Variants in PRKCE observed in about 807,000 individuals in gnomAD.
PRKCE encodes protein kinase C epsilon.
Under a neutral mutation model 85.4 loss-of-function variants are expected in PRKCE, and 16 were observed. The observed-to-expected ratio is 0.19, with a 90% confidence interval of 0.13 to 0.28. The LOEUF (loss-of-function observed/expected upper bound fraction) is 0.28. Ranked by LOEUF, PRKCE falls within the 10% of genes least tolerant of loss-of-function variation. PRKCE has a pLI of 1.00. For synonymous variants in PRKCE, 388 were observed against 371.5 expected, an observed-to-expected ratio of 1.04 and a Z score of -0.51; for missense variants, 573 against 975.2, an observed-to-expected ratio of 0.59 and a Z score of 5.49.
At chr2:45,891,665 G>A (rs192762482) in intron 2 of PRKCE, among the ~76,000 whole-genome samples, 9 of 152,254 alleles carry the variant, frequency 5.9e-5, no homozygotes, top group African/African-American at 2.2e-4. Context: ...TCATGCAATG[G>A]GGATCTTCCG....
intron 1 of PRKCE, among the ~76,000 whole-genome samples, chr2:45,792,943 C>G (rs1283632909): frequency 6.6e-6 from 1 of 152,094 alleles, no homozygotes; most frequent in Non-Finnish European, 1.5e-5. Flanking sequence ...GGATTACAGG[C>G]ACCCGCCACC....
At chr2:45,879,252 A>G (rs1378359017) in intron 2 of PRKCE, among the ~76,000 whole-genome samples, 1 of 152,206 alleles carries the variant, frequency 6.6e-6, no homozygotes, top group African/African-American at 2.4e-5. Flanking sequence ...TTCGAAGAAG[A>G]GTCCAGCCGA....
At chr2:46,157,236 C>T (rs1677305199) in intron 13 of PRKCE, among the ~76,000 whole-genome samples, 3 of 152,170 alleles carry the variant, frequency 2.0e-5, no homozygotes, top group Admixed American at 6.5e-5. Flanking sequence ...AAACCTCAGC[C>T]GCACCCGAGT....
Position 45,744,549 on chromosome 2 carries a change from T to TTC in PRKCE, c.348+92101_348+92102insTC, listed in dbSNP as rs1558624254. On this transcript the variant is annotated intron_variant, in intron 1 of 14. Transcript: ENST00000306156. The stretch of plus-strand genomic sequence containing the variant: ...CTTTTTCTTTCCTTCTTTCTTTCTT[T>TTC]CTTCCTTCCTTCCTTCCTTCCTTCC... Among the ~76,000 whole-genome samples the TTC allele has an allele frequency of 1.0e-3, 86 of 84,140 alleles. 8 individuals are homozygous for TTC. The highest frequency in any genetic ancestry group is 3.8e-3 in the African/African-American group (76 of 20,116). The allele number at this position is 84,140 out of a possible 152,430, so 55.2% of individuals were successfully genotyped here.
chr2:45,896,060 T>C (rs1696115435), intron 2 of PRKCE, among the ~76,000 whole-genome samples: 1 of 152,228 alleles, frequency 6.6e-6, no homozygotes, highest in Admixed American at 6.5e-5. Flanking sequence ...AACCTAGATG[T>C]TGCCCCTTTG....
intron 2 of PRKCE, among the ~76,000 whole-genome samples, chr2:45,883,098 G>A (rs1018044249): frequency 6.6e-6 from 1 of 152,226 alleles, no homozygotes. Flanking sequence ...AATTCACATT[G>A]TAGTACTTCT....
At chr2:45,689,208 C>T (rs75433437) in intron 1 of PRKCE, among the ~76,000 whole-genome samples, 2,525 of 152,302 alleles carry the variant, frequency 0.017, 30 homozygotes, top group Admixed American at 0.032. Context: ...ACAAAAAAGT[C>T]TAGATCACAG....
At chr2:45,845,328 C>T (rs1399280277) in intron 2 of PRKCE, 1 of 151,294 alleles carries the variant, frequency 6.6e-6, no homozygotes, top group African/African-American at 2.4e-5. Flanking sequence ...TGGGGTGAAG[C>T]AAGTTGTCAC....
chr2:45,875,369 T>G (rs938292035), intron 2 of PRKCE, among the ~76,000 whole-genome samples: 1 of 152,274 alleles, frequency 6.6e-6, no homozygotes, highest in African/African-American at 2.4e-5. Flanking sequence ...GCTAATGCAA[T>G]GTCCACAACC....
At chr2:46,173,688 A>C (rs1431488368) in intron 14 of PRKCE, among the ~76,000 whole-genome samples, 1 of 152,200 alleles carries the variant, frequency 6.6e-6, no homozygotes, top group Non-Finnish European at 1.5e-5. Context: ...ATCATAACAC[A>C]TGTTAGAAGT....
At chr2:45,890,444 A>T (rs1395501981) in intron 2 of PRKCE, among the ~76,000 whole-genome samples, 1 of 151,350 alleles carries the variant, frequency 6.6e-6, no homozygotes, top group Non-Finnish European at 1.5e-5. Flanking sequence ...CGGTGGTGTG[A>T]TCTCGGCTCA....
At position 45,788,793 on chromosome 2, in the gene PRKCE, G is replaced by A. The variant is rs146579509; in HGVS notation, c.349-54207G>A. Among the ~76,000 whole-genome samples, 453 of 152,196 alleles carry A rather than the reference G, an allele frequency of 3.0e-3. 1 individual carries two copies. The highest frequency in any genetic ancestry group is 9.8e-3 in the Admixed American group (150 of 15,300). On this transcript the variant is annotated intron_variant, in intron 1 of 14. Transcript: ENST00000306156. The stretch of plus-strand genomic sequence containing the variant: ...AAGTAGGCAAAGTAGTGCTATTCTC[G>A]GGATTTTTAGGTCTGAAGAAATATA...
At chr2:45,914,437 G>C (rs1193651208) in intron 2 of PRKCE, among the ~76,000 whole-genome samples, 1 of 152,156 alleles carries the variant, frequency 6.6e-6, no homozygotes, top group Non-Finnish European at 1.5e-5. Flanking sequence ...GGAGTGTTCT[G>C]TGCTGTAGAT....
chr2:46,143,857 T>A (rs1413233708), intron 11 of PRKCE, among the ~76,000 whole-genome samples: 1 of 152,240 alleles, frequency 6.6e-6, no homozygotes, highest in East Asian at 1.9e-4. Flanking sequence ...GTGGCTACAA[T>A]GCAGGCTGGT....
chr2:46,176,682 G>C (rs1033186185), intron 14 of PRKCE, among the ~76,000 whole-genome samples: 1 of 152,112 alleles, frequency 6.6e-6, no homozygotes, highest in African/African-American at 2.4e-5. Flanking sequence ...CAGTGACCAT[G>C]GCTGGTTGCT....
At position 46,131,401 on chromosome 2, in the gene PRKCE, A is replaced by G. The variant is rs564993415; in HGVS notation, c.1593-13692A>G. 6.6e-5 allele frequency among the ~76,000 whole-genome samples: 10 copies of G among 152,352 alleles called. No individual in the cohort carries two copies. The South Asian group carries it at 1.4e-3, about 22-fold the overall frequency. ...CCTGGGGGAAGTTACATATCAAGCC[A>G]TAAGGGTCCACCTTAGCTCAATGAC... is the stretch of plus-strand genomic sequence containing the variant. On this transcript the variant is annotated intron_variant, in intron 11 of 14. Transcript: ENST00000306156.
At chr2:46,071,493 T>C (rs1395127490) in intron 10 of PRKCE, among the ~76,000 whole-genome samples, 3 of 152,242 alleles carry the variant, frequency 2.0e-5, no homozygotes, top group African/African-American at 4.8e-5. Flanking sequence ...TCCAAGTTCA[T>C]GCAGCTTGTT....
At chr2:45,731,606 G>C (rs1431754547) in intron 1 of PRKCE, among the ~76,000 whole-genome samples, 2 of 145,944 alleles carry the variant, frequency 1.4e-5, no homozygotes, top group East Asian at 3.9e-4. Context: ...AGAATTTTCT[G>C]AATTCCTGGA....
intron 10 of PRKCE, among the ~76,000 whole-genome samples, chr2:46,079,357 G>A (rs1027415775): frequency 6.6e-5 from 10 of 152,130 alleles, no homozygotes; most frequent in African/African-American, 2.4e-4. Context: ...TAATTATACA[G>A]CATTTTGTGT....
Sources: gnomAD v4.1 joint callset for allele counts (sites outside exome capture counted in the v4.1 genomes callset) on GRCh38, gnomAD v4.1.1 for gene constraint, MANE v1.5 for transcripts, NCBI Gene and HGNC (gene_info 2026-07-23, HGNC 2026-07-21) for gene names.